Variants in PSG9 observed in about 807,000 individuals in gnomAD.
PSG9 encodes the protein pregnancy specific beta-1-glycoprotein 9.
In PSG9, 49 loss-of-function variants were observed where a neutral mutation model predicts 41.9. That is an observed-to-expected ratio of 1.17 (90% confidence interval 0.93 to 1.48). The LOEUF (loss-of-function observed/expected upper bound fraction) is 1.48. Ranked by LOEUF, PSG9 falls within the 40% of genes most tolerant of loss-of-function variation. The probability of loss-of-function intolerance (pLI) is 0.00; values close to 1 mark genes in which losing one functional copy is unlikely to be tolerated. For missense variants in PSG9, 641 were observed against 520.3 expected, an observed-to-expected ratio of 1.23 and a Z score of -2.26; for synonymous variants, 263 against 196.8, an observed-to-expected ratio of 1.34 and a Z score of -2.82.
At chr19:43,256,307 A>G (rs970726474) in intron 5 of PSG9, among the ~76,000 whole-genome samples, 1 of 147,126 alleles carries the variant, frequency 6.8e-6, no homozygotes, top group African/African-American at 2.6e-5. Flanking sequence ...GGTTGTAACA[A>G]CAAAAGCATA....
chr19:43,260,204 T>C (rs1968644272), intron 3 of PSG9: 1 of 147,238 alleles, frequency 6.8e-6, no homozygotes, highest in Non-Finnish European at 1.5e-5. Flanking sequence ...TCAGAAATTG[T>C]TCATGGGTGT....
intron 2 of PSG9, among the ~76,000 whole-genome samples, chr19:43,265,034 G>T (rs759820928): frequency 6.6e-6 from 1 of 152,160 alleles, no homozygotes; most frequent in Non-Finnish European, 1.5e-5. Flanking sequence ...AACTAGCATG[G>T]CTGACTCCAT....
At chr19:43,268,319 A>ATG (rs894205511) in intron 1 of PSG9, among the ~76,000 whole-genome samples, 170 bp from the exon 2 acceptor site, 1 of 151,982 alleles carries the variant, frequency 6.6e-6, no homozygotes, top group African/African-American at 2.4e-5. Flanking sequence ...GTGTATGTGT[A>ATG]TGTGTGTGTG....
Position 43,262,026 on chromosome 19 carries a change from C to T in PSG9, c.543G>A (p.Trp181Ter). The change falls in exon 3 of 6, where the codon TGG becomes TGA. Residue 181 changes from tryptophan (W) to a stop codon, truncating the protein, a stop_gained. Transcript: ENST00000270077. LOFTEE classifies it high-confidence loss of function. Reference sequence around the variant, plus strand: ...TCACAGGGAGGCTCTGACCATTCATCCACCATAGGTAGCTTGCGTCCAGAG... The same window carrying T: ...TCACAGGGAGGCTCTGACCATTCATTCACCATAGGTAGCTTGCGTCCAGAG... ...PETLDASYLW[W>*]MNGQSLPVTH... is the part of the protein sequence containing the mutation. 3.1e-6 allele frequency: 5 copies of T among 1,614,008 alleles called. No individual in the cohort carries two copies. The highest frequency in any genetic ancestry group is 4.2e-6 in the Non-Finnish European group (5 of 1,179,914).
chr19:43,268,298 C>T (rs1420024049), intron 1 of PSG9, 149 bp from the exon 2 acceptor site: 5 of 1,292,376 alleles, frequency 3.9e-6, no homozygotes, highest in South Asian at 1.5e-5. Context: ...AAAAAACGGG[C>T]ATGTGTGTTT....
intron 3 of PSG9, chr19:43,260,092 C>T (rs1279674213): frequency 1.4e-5 from 2 of 146,382 alleles, no homozygotes; most frequent in African/African-American, 5.2e-5. Flanking sequence ...ATTCTACTCT[C>T]TGATCCCCTG....
At position 43,268,025 on chromosome 19, in the gene PSG9, A is replaced by T. The variant is rs1284594523; in HGVS notation, c.189T>A (p.Pro63=). The change falls in exon 2 of 6, where the codon CCT becomes CCA. Residue 63 remains proline (P), a synonymous_variant. Transcript: ENST00000270077. Reference sequence around the variant, plus strand: ...TTTCCCCTTTGTACCAGAAGTAGCCAGGAAGATTCTGGGGCAAATTGTGGA... The same window carrying T: ...TTTCCCCTTTGTACCAGAAGTAGCCTGGAAGATTCTGGGGCAAATTGTGGA... ...LLVHNLPQNL[P]GYFWYKGEMT... 4.3e-6 allele frequency: 7 copies of T among 1,613,840 alleles called. No homozygotes were observed. Among genetic ancestry groups the T allele is most frequent in the Non-Finnish European group, 5.9e-6 (7 of 1,179,938 alleles).
At chr19:43,264,915 G>A (rs1314065017) in intron 2 of PSG9, among the ~76,000 whole-genome samples, 3 of 152,122 alleles carry the variant, frequency 2.0e-5, no homozygotes, top group Non-Finnish European at 2.9e-5. Context: ...GGTTGAGGAT[G>A]GAGTCACAAA....
intron 2 of PSG9, 67 bp downstream of exon 2, chr19:43,267,717 T>C: frequency 3.4e-5 from 54 of 1,602,098 alleles, no homozygotes; most frequent in Non-Finnish European, 4.3e-5. Context: ...GGCCTGACAA[T>C]CCTGTGTGTG....
chr19:43,264,353 T>G (rs1271337070), intron 2 of PSG9, among the ~76,000 whole-genome samples: 2 of 152,186 alleles, frequency 1.3e-5, no homozygotes, highest in African/African-American at 4.8e-5. Context: ...GAACTTTCCT[T>G]TTTCAGTTTT....
chr19:43,269,263 C>G lies in PSG9; in HGVS notation c.64+105G>C, dbSNP rs539409369. 29 of 1,580,728 alleles carry G rather than the reference C, an allele frequency of 1.8e-5. No homozygotes were observed. The South Asian group carries it at 3.2e-4, about 18-fold the overall frequency. ...TCGTGATCCACCCACCTCAGCCTCC[C>G]TAAGAGCTGGCTTCTTTTATTTTAC... On this transcript the variant is annotated intron_variant, in intron 1 of 5. Transcript: ENST00000270077.
rs1969152137 is a variant in PSG9 at position 43,269,525 on chromosome 19, T to C, written c.-94A>G. ...CTGTCAGCTGTGCTGTCCTTCCTCC[T>C]TCTGTGCTGAGCCTCTTCCCGGGGC... On this transcript the variant is annotated 5_prime_UTR_variant, in exon 1 of 6. Coordinates refer to ENST00000270077, the MANE Select transcript of PSG9 (RefSeq NM_002784.5). The C allele has an allele frequency of 6.4e-7, 1 of 1,561,472 alleles. No individual in the cohort carries two copies. Among genetic ancestry groups the C allele is most frequent in the African/African-American group, 1.4e-5 (1 of 73,406 alleles).
intron 4 of PSG9, 87 bp downstream of exon 4, chr19:43,258,770 G>A (rs1212022001): frequency 3.9e-6 from 6 of 1,536,676 alleles, no homozygotes; most frequent in Non-Finnish European, 4.4e-6. Context: ...GTCTATACTT[G>A]GACCGGAGAG....
At chr19:43,257,962 G>A in intron 5 of PSG9, 1 of 1,453,060 alleles carries the variant, frequency 6.9e-7, no homozygotes, top group Non-Finnish European at 9.0e-7. Context: ...AGGGCTCAGG[G>A]CTGATAAAGC....
In PSG9 at chr19:43,258,316, G is replaced by C; in HGVS notation, c.1129C>G (p.Gln377Glu). Residue 377 changes from glutamine to glutamate, a missense_variant, in exon 5 of 6, where the codon CAA becomes GAA. Physicochemically the swap from Gln to Glu is conservative, Grantham distance 29. Transcript: ENST00000270077. ...TINGKFQQSG[Q>E]KLFIPQITRN... Reference sequence around the variant, plus strand: ...GTAATTTGGGGGATAAAGAGCTTTTGTCCTGATTGCTGAAACTTCCCATTA... The same window carrying C: ...GTAATTTGGGGGATAAAGAGCTTTTCTCCTGATTGCTGAAACTTCCCATTA... The C allele has an allele frequency of 6.3e-7, 1 of 1,592,888 alleles. No individual in the cohort carries two copies. The highest frequency in any genetic ancestry group is 8.5e-7 in the Non-Finnish European group (1 of 1,174,528).
chr19:43,253,357 T>A lies in PSG9; in HGVS notation c.*252A>T. The A allele has an allele frequency of 2.9e-6, 1 of 342,200 alleles. No homozygotes were observed. The highest frequency in any genetic ancestry group is 4.3e-5 in the South Asian group (1 of 23,202). The allele number at this position is 342,200 out of a possible 1,614,324, so 21.2% of individuals were successfully genotyped here. On this transcript the variant is annotated 3_prime_UTR_variant, in exon 6 of 6. Transcript: ENST00000270077. The stretch of plus-strand genomic sequence containing the variant: ...TGAATAGTTTCACAATTCTGGGGCA[T>A]TCAGATAGACAGCAAAAGCAAATAT...
chr19:43,253,678 T>G, intron 5 of PSG9, 32 bp from the exon 6 acceptor site: 1 of 1,215,240 alleles, frequency 8.2e-7, no homozygotes, highest in Non-Finnish European at 1.2e-6. Flanking sequence ...TCAGTGCATT[T>G]CAAATTCACT....
chr19:43,264,741 T>C (rs1217186079), intron 2 of PSG9, among the ~76,000 whole-genome samples: 1 of 152,204 alleles, frequency 6.6e-6, no homozygotes, highest in East Asian at 1.9e-4. Flanking sequence ...CTTGAGCCAC[T>C]GAGCCCAGCC....
At chr19:43,268,666 T>C (rs1969101193) in intron 1 of PSG9, among the ~76,000 whole-genome samples, 1 of 152,138 alleles carries the variant, frequency 6.6e-6, no homozygotes, top group African/African-American at 2.4e-5. Context: ...TGATCCTGGT[T>C]GCACCCCAGT....
Sources: allele counts gnomAD v4.1 joint callset (sites outside exome capture counted in the v4.1 genomes callset), GRCh38; gene constraint gnomAD v4.1.1; transcripts MANE v1.5; gene names NCBI Gene and HGNC (gene_info 2026-07-23, HGNC 2026-07-21).